TBL1XR1: variants seen among roughly 807,000 people sequenced by gnomAD.
TBL1XR1 encodes the protein TBL1X/Y related 1, also known as F-box-like/WD repeat-containing protein TBL1XR1.
A neutral mutation model predicts 66.9 loss-of-function variants in TBL1XR1; 5 were observed. The ratio of observed to expected loss-of-function variants is 0.07; its 90% confidence interval spans 0.04 to 0.16. The LOEUF is 0.16. Among genes scored for constraint, TBL1XR1 ranks in the 10% least tolerant of loss-of-function variants. The pLI is 1.00. For missense variants in TBL1XR1, 238 were observed against 623.2 expected, an observed-to-expected ratio of 0.38 and a Z score of 6.58; for synonymous variants, 210 against 206.0, an observed-to-expected ratio of 1.02 and a Z score of -0.17.
intron 1 of TBL1XR1, among the ~76,000 whole-genome samples, chr3:177,112,086 TATATATATA>T (rs1725651481): frequency 2.3e-5 from 1 of 42,638 alleles, no homozygotes; most frequent in East Asian, 8.3e-4. Flanking sequence ...TATATATATA[TATATATATA>T]TATATATATA....
intron 1 of TBL1XR1, chr3:177,195,803 G>C (rs886068432): frequency 6.6e-6 from 1 of 152,124 alleles, no homozygotes; most frequent in African/African-American, 2.4e-5. Context: ...GTTTAGATCA[G>C]CATACGGTTC....
intron 1 of TBL1XR1, among the ~76,000 whole-genome samples, chr3:177,178,665 G>A (rs546753437): frequency 6.6e-6 from 1 of 152,202 alleles, no homozygotes; most frequent in East Asian, 1.9e-4. Flanking sequence ...TGACCAACAT[G>A]GAGAAGCCCT....
At chr3:177,179,283 T>C (rs1451186951) in intron 1 of TBL1XR1, among the ~76,000 whole-genome samples, 1 of 152,186 alleles carries the variant, frequency 6.6e-6, no homozygotes, top group African/African-American at 2.4e-5. Context: ...CAGCTCTTAG[T>C]GTACTTTGAG....
At chr3:177,167,369 G>A (rs1732945764) in intron 1 of TBL1XR1, among the ~76,000 whole-genome samples, 1 of 152,162 alleles carries the variant, frequency 6.6e-6, no homozygotes, top group African/African-American at 2.4e-5. Context: ...AAAATGTTTA[G>A]GGCAGTGAAA....
At chr3:177,128,080 G>A (rs757311560) in intron 1 of TBL1XR1, among the ~76,000 whole-genome samples, 7 of 151,934 alleles carry the variant, frequency 4.6e-5, no homozygotes, top group South Asian at 2.1e-4. Flanking sequence ...TTAGTTGGGC[G>A]TGGTGGTGCA....
chr3:177,086,795 C>T (rs1722179407), intron 2 of TBL1XR1, among the ~76,000 whole-genome samples: 1 of 151,668 alleles, frequency 6.6e-6, no homozygotes, highest in South Asian at 2.1e-4. Context: ...CCACATATAA[C>T]TTCCGACTTC....
At chr3:177,131,267 A>G in intron 1 of TBL1XR1, 1 of 907,658 alleles carries the variant, frequency 1.1e-6, no homozygotes, top group African/African-American at 1.8e-5. Flanking sequence ...CACACACAAA[A>G]AAAGTCAAAA....
chr3:177,164,908 T>C (rs1732644773), intron 1 of TBL1XR1, among the ~76,000 whole-genome samples: 2 of 152,354 alleles, frequency 1.3e-5, no homozygotes, highest in Admixed American at 1.3e-4. Context: ...AAAAATTGTA[T>C]ATTTACTTTA....
chr3:177,056,280 CTATT>C (rs1029288037), intron 3 of TBL1XR1, among the ~76,000 whole-genome samples: 1 of 152,142 alleles, frequency 6.6e-6, no homozygotes, highest in African/African-American at 2.4e-5. Flanking sequence ...AATTTGGACC[CTATT>C]TAATTAGCTT....
chr3:177,095,973 A>T (rs987114779), intron 2 of TBL1XR1, among the ~76,000 whole-genome samples: 9 of 152,342 alleles, frequency 5.9e-5, no homozygotes, highest in African/African-American at 2.2e-4. Context: ...GTATCAAAAT[A>T]TCACATGTAC....
chr3:177,050,175 C>T (rs374164935), intron 6 of TBL1XR1, 37 bp from the exon 7 acceptor site: 5 of 1,601,996 alleles, frequency 3.1e-6, no homozygotes, highest in Non-Finnish European at 4.3e-6. Flanking sequence ...ATCCTCATGA[C>T]ATTCTCACGT....
intron 14 of TBL1XR1, 100 bp downstream of exon 14, chr3:177,032,871 C>T (rs969365142): frequency 2.7e-5 from 26 of 977,370 alleles, no homozygotes; most frequent in Non-Finnish European, 3.4e-5. Flanking sequence ...TCAATTAATG[C>T]CACAAGAGGA....
At chr3:177,189,664 A>AAAAAAATTAAAATTTC (rs57549428) in intron 1 of TBL1XR1, among the ~76,000 whole-genome samples, 23 of 141,926 alleles carry the variant, frequency 1.6e-4, no homozygotes, top group Non-Finnish European at 2.4e-4. Flanking sequence ...AAAAAAAAAA[A>AAAAAAATTAAAATTTC]AGAAGGATGT....
At chr3:177,127,458 A>G (rs1219398661) in intron 1 of TBL1XR1, among the ~76,000 whole-genome samples, 1 of 152,242 alleles carries the variant, frequency 6.6e-6, no homozygotes, top group East Asian at 1.9e-4. Flanking sequence ...CTAAAAACAC[A>G]GTATCTGGTA....
rs1712334163 is a variant in TBL1XR1, at chr3:177,021,380, A to G, written c.*4118T>C. Reference sequence around the variant, plus strand: ...TCATGAAACAGCTTACAAAAAAAAAAAAAATATATGCCCTAGTTATTCACC... The same window carrying G: ...TCATGAAACAGCTTACAAAAAAAAAGAAAATATATGCCCTAGTTATTCACC... On this transcript the variant is annotated 3_prime_UTR_variant, in exon 16 of 16. Coordinates refer to ENST00000457928, the MANE Select transcript of TBL1XR1 (RefSeq NM_024665.7). 6.6e-6 allele frequency: 1 copy of G among 152,548 alleles called. No homozygotes were observed. 9.4% of individuals were successfully genotyped at this position (152,548 alleles called of 1,614,324 possible).
At chr3:177,173,501 T>C (rs1357863238) in intron 1 of TBL1XR1, among the ~76,000 whole-genome samples, 6 of 152,168 alleles carry the variant, frequency 3.9e-5, no homozygotes, top group African/African-American at 1.4e-4. Flanking sequence ...AACTCTATGG[T>C]ATTGTACCCA....
chr3:177,142,984 T>G (rs1475122384), intron 1 of TBL1XR1, among the ~76,000 whole-genome samples: 1 of 151,930 alleles, frequency 6.6e-6, no homozygotes, highest in African/African-American at 2.4e-5. Context: ...GGTGGTCTAT[T>G]TAGTGCCACG....
At chr3:177,074,334 T>C (rs888626081) in intron 2 of TBL1XR1, among the ~76,000 whole-genome samples, 1 of 152,160 alleles carries the variant, frequency 6.6e-6, no homozygotes, top group Non-Finnish European at 1.5e-5. Flanking sequence ...GTGGATATAT[T>C]AGAAGATATT....
intron 1 of TBL1XR1, among the ~76,000 whole-genome samples, chr3:177,163,095 A>C (rs897895330): frequency 2.0e-5 from 3 of 152,208 alleles, no homozygotes; most frequent in African/African-American, 7.2e-5. Context: ...CTATGTACCA[A>C]GGTTATTCAC....
Sources: allele counts gnomAD v4.1 joint callset (sites outside exome capture counted in the v4.1 genomes callset), GRCh38; gene constraint gnomAD v4.1.1; transcripts MANE v1.5; gene names NCBI Gene and HGNC (gene_info 2026-07-23, HGNC 2026-07-21).